The following NAA35 variants were observed in gnomAD, a reference collection of about 807,000 sequenced individuals.
NAA35 encodes N-alpha-acetyltransferase 35, NatC auxiliary subunit, also known as MAK10 homolog, amino-acid N-acetyltransferase subunit.
In NAA35, 18 loss-of-function variants were observed where a neutral mutation model predicts 101.7. The ratio of observed to expected loss-of-function variants is 0.18; its 90% CI spans 0.12 to 0.26. The LOEUF is 0.26. Among genes scored for constraint, NAA35 ranks in the 10% least tolerant of loss-of-function variants. The pLI is 1.00. For missense variants in NAA35, 601 were observed against 886.8 expected, an observed-to-expected ratio of 0.68 and a Z score of 4.09; for synonymous variants, 267 against 273.1, an observed-to-expected ratio of 0.98 and a Z score of 0.22.
rs187489181 is a variant in NAA35 at position 85,982,898 on chromosome 9, A to G, written c.877+4517A>G. ...AAGGACATTGACTTACCTATCTCCA[A>G]ATAACTATTTTTAGCCACTGATAGA... On this transcript the variant is annotated intron_variant, in intron 11 of 22. Transcript: ENST00000361671. Among the ~76,000 whole-genome samples the G allele has an allele frequency of 5.8e-3, 887 of 152,288 alleles. 8 individuals are homozygous for G. The highest frequency in any genetic ancestry group is 0.02 in the African/African-American group (829 of 41,558).
At chr9:85,992,900 G>A (rs931142733) in intron 11 of NAA35, among the ~76,000 whole-genome samples, 5 of 152,172 alleles carry the variant, frequency 3.3e-5, no homozygotes, top group Admixed American at 1.3e-4. Flanking sequence ...AAACATACTT[G>A]AGGGTGGTTT....
At chr9:85,952,845 T>C (rs13296057) in intron 2 of NAA35, among the ~76,000 whole-genome samples, 15,633 of 152,260 alleles carry the variant, frequency 0.1, 1,066 homozygotes, top group Non-Finnish European at 0.16. Flanking sequence ...AGTAATAATT[T>C]TTACTGCTTT....
At chr9:85,964,164 A>G (rs1337170705) in intron 6 of NAA35, among the ~76,000 whole-genome samples, 2 of 149,026 alleles carry the variant, frequency 1.3e-5, no homozygotes, top group Admixed American at 6.7e-5. Context: ...CTTATTGGGG[A>G]ATAATTTCAG....
intron 12 of NAA35, among the ~76,000 whole-genome samples, chr9:86,000,634 T>A (rs1831384304): frequency 6.6e-6 from 1 of 152,086 alleles, no homozygotes; most frequent in East Asian, 1.9e-4. Context: ...TGGGAGGGTG[T>A]ATGTGTCCAG....
At chr9:85,950,662 T>G (rs1327022582) in intron 2 of NAA35, among the ~76,000 whole-genome samples, 1 of 152,210 alleles carries the variant, frequency 6.6e-6, no homozygotes, top group Non-Finnish European at 1.5e-5. Context: ...TTTTTAAGTT[T>G]GATGAAGCTA....
At chr9:85,961,052 G>A (rs983272095) in intron 5 of NAA35, among the ~76,000 whole-genome samples, 1 of 152,214 alleles carries the variant, frequency 6.6e-6, no homozygotes, top group Non-Finnish European at 1.5e-5. Flanking sequence ...AGGATAAACA[G>A]AGGGAGGATT....
chr9:85,956,970 G>T (rs533190343), intron 3 of NAA35, among the ~76,000 whole-genome samples: 2 of 152,250 alleles, frequency 1.3e-5, no homozygotes, highest in African/African-American at 4.8e-5. Flanking sequence ...AGAGGAGGAC[G>T]CAAGAGAGAG....
intron 11 of NAA35, among the ~76,000 whole-genome samples, chr9:85,979,180 T>C (rs1171441354): frequency 6.6e-6 from 1 of 152,202 alleles, no homozygotes; most frequent in African/African-American, 2.4e-5. Flanking sequence ...ACCAGCAGTT[T>C]TGCCACGAGA....
At chr9:86,007,863 G>A (rs1302754134) in intron 14 of NAA35, among the ~76,000 whole-genome samples, 2 of 151,636 alleles carry the variant, frequency 1.3e-5, no homozygotes, top group Non-Finnish European at 2.9e-5. Context: ...TCTTAACAAA[G>A]CACTTACACT....
At chr9:85,978,406 C>G in intron 11 of NAA35, 25 bp downstream of exon 11, 4 of 1,438,370 alleles carry the variant, frequency 2.8e-6, no homozygotes, top group Non-Finnish European at 3.9e-6. Context: ...TGCTCCTACT[C>G]TTTCTTTTCT....
At position 85,942,163 on chromosome 9, in the gene NAA35, G is replaced by A. The variant is rs201727123; in HGVS notation, c.4G>A (p.Val2Ile). Residue 2 changes from valine to isoleucine, a missense_variant, in exon 2 of 23, where the codon GTT becomes ATT. Physicochemically the swap from Val to Ile is conservative, Grantham distance 29 (BLOSUM62 3). Around this residue, in one of 8 missense-constraint regions of NAA35, gnomAD observed 67 missense variants for 62.4 expected, o/e 1.07. Transcript: ENST00000361671. ...CAGTATTAATTTTACAGGCATAATG[G>A]TTATGAAAGCTTCTGTAGATGATGA... The part of the protein sequence containing the change: M[V>I]MKASVDDDDS... The A allele has an allele frequency of 2.8e-4, 448 of 1,613,662 alleles. No individual in the cohort carries two copies. The highest frequency in any genetic ancestry group is 3.6e-4 in the Non-Finnish European group (428 of 1,179,912).
intron 11 of NAA35, among the ~76,000 whole-genome samples, chr9:85,995,799 C>T (rs1051425930): frequency 6.6e-6 from 1 of 152,070 alleles, no homozygotes; most frequent in African/African-American, 2.4e-5. Context: ...AGTGAGATCA[C>T]CAGTGGACAG....
chr9:85,953,600 A>AT (rs575240445), intron 2 of NAA35, among the ~76,000 whole-genome samples: 32 of 150,694 alleles, frequency 2.1e-4, no homozygotes, highest in African/African-American at 7.6e-4. Flanking sequence ...TACTTTTTGT[A>AT]TTTTTTTTGG....
intron 16 of NAA35, among the ~76,000 whole-genome samples, chr9:86,013,359 G>T (rs1167577653): frequency 1.3e-5 from 2 of 151,908 alleles, no homozygotes; most frequent in Non-Finnish European, 2.9e-5. Flanking sequence ...TTGATAATAG[G>T]AATAAATTAT....
chr9:86,017,682 C>G (rs1401262426), intron 19 of NAA35, 117 bp downstream of exon 19: 4 of 844,328 alleles, frequency 4.7e-6, no homozygotes, highest in Non-Finnish European at 7.3e-6. Context: ...GTTTTACTTC[C>G]TGTCTGCTTG....
intron 6 of NAA35, chr9:85,966,574 C>A: frequency 8.9e-7 from 1 of 1,128,278 alleles, no homozygotes; most frequent in Non-Finnish European, 1.2e-6. Context: ...TTTTTTTAAC[C>A]TCACCCACCT....
chr9:85,964,726 A>G (rs1478419550), intron 6 of NAA35, among the ~76,000 whole-genome samples: 2 of 152,184 alleles, frequency 1.3e-5, no homozygotes, highest in African/African-American at 4.8e-5. Context: ...AAGATTGTGC[A>G]ATCTTGGCTG....
intron 2 of NAA35, among the ~76,000 whole-genome samples, chr9:85,955,586 A>G (rs1347105601): frequency 6.6e-6 from 1 of 151,778 alleles, no homozygotes; most frequent in Admixed American, 6.6e-5. Flanking sequence ...GATGGTCTCG[A>G]TCTCCTGACC....
intron 14 of NAA35, among the ~76,000 whole-genome samples, chr9:86,009,471 A>G (rs1831802515): frequency 6.6e-6 from 1 of 152,206 alleles, no homozygotes; most frequent in Admixed American, 6.5e-5. Context: ...TACAGAAAAA[A>G]TTAGGATCCT....
Sources: gnomAD v4.1 joint callset for allele counts (sites outside exome capture counted in the v4.1 genomes callset) on GRCh38, gnomAD v4.1.1 for gene constraint, gnomAD v4.1.1 regional missense constraint, MANE v1.5 for transcripts, NCBI Gene and HGNC (gene_info 2026-07-23, HGNC 2026-07-21) for gene names.